VEGFC: variants seen among roughly 807,000 people sequenced by gnomAD.
VEGFC encodes the protein FLT4 ligand DHM.
In VEGFC, 12 loss-of-function variants were observed where a neutral mutation model predicts 46.1. The observed-to-expected ratio is 0.26, with a 90% confidence interval of 0.17 to 0.42. The LOEUF is 0.42. Among genes scored for constraint, VEGFC ranks in the 10% least tolerant of loss-of-function variants. VEGFC has a pLI of 1.00. For synonymous variants in VEGFC, 232 were observed against 195.5 expected, an observed-to-expected ratio of 1.19 and a Z score of -1.56; for missense variants, 488 against 529.4, an observed-to-expected ratio of 0.92 and a Z score of 0.77.
intron 1 of VEGFC, among the ~76,000 whole-genome samples, chr4:176,734,744 A>C (rs1206210855): frequency 6.6e-6 from 1 of 151,800 alleles, no homozygotes; most frequent in Non-Finnish European, 1.5e-5. Context: ...TGAAAAGAAA[A>C]TGTTTAGAAT....
At chr4:176,724,637 G>A (rs1433312488) in intron 3 of VEGFC, among the ~76,000 whole-genome samples, 1 of 152,134 alleles carries the variant, frequency 6.6e-6, no homozygotes, top group Non-Finnish European at 1.5e-5. Context: ...GGAAAGAGGA[G>A]ACAGGAAGGC....
chr4:176,780,663 A>C (rs1202199407), intron 1 of VEGFC, among the ~76,000 whole-genome samples: 1 of 152,180 alleles, frequency 6.6e-6, no homozygotes, highest in Admixed American at 6.5e-5. Flanking sequence ...AGTTAAACTC[A>C]ACATCAAGGA....
chr4:176,691,183 C>G (rs985771571), intron 4 of VEGFC, among the ~76,000 whole-genome samples: 1 of 152,106 alleles, frequency 6.6e-6, no homozygotes, highest in Non-Finnish European at 1.5e-5. Flanking sequence ...GAAATGTGGT[C>G]ATGATGGATA....
At chr4:176,758,684 T>C (rs1315419701) in intron 1 of VEGFC, among the ~76,000 whole-genome samples, 2 of 152,142 alleles carry the variant, frequency 1.3e-5, no homozygotes, top group Non-Finnish European at 2.9e-5. Flanking sequence ...ACCCTAGTGA[T>C]TACTTTAGTT....
chr4:176,784,289 C>G (rs997613997), intron 1 of VEGFC, among the ~76,000 whole-genome samples: 1 of 151,798 alleles, frequency 6.6e-6, no homozygotes, highest in African/African-American at 2.4e-5. Context: ...AGGCTGGTCT[C>G]AAACTCCTGG....
intron 3 of VEGFC, among the ~76,000 whole-genome samples, chr4:176,717,015 T>C (rs531829920): frequency 2.0e-5 from 3 of 152,300 alleles, no homozygotes; most frequent in Admixed American, 2.0e-4. Flanking sequence ...TAAATACTGA[T>C]TGATGATGTA....
intron 1 of VEGFC, among the ~76,000 whole-genome samples, chr4:176,769,179 G>C (rs1735683156): frequency 6.6e-6 from 1 of 152,084 alleles, no homozygotes; most frequent in African/African-American, 2.4e-5. Context: ...CCAATCTGCT[G>C]GCTCCTTGAT....
chr4:176,777,037 G>A (rs1305295058), intron 1 of VEGFC, among the ~76,000 whole-genome samples: 2 of 152,186 alleles, frequency 1.3e-5, no homozygotes, highest in Admixed American at 6.5e-5. Context: ...CTACTGGCCG[G>A]GTGCGGTAGC....
intron 4 of VEGFC, among the ~76,000 whole-genome samples, chr4:176,688,845 C>T (rs1317730234): frequency 2.6e-5 from 4 of 152,152 alleles, no homozygotes; most frequent in Non-Finnish European, 5.9e-5. Flanking sequence ...CTGGCATCAG[C>T]CATTTCTTCA....
intron 1 of VEGFC, among the ~76,000 whole-genome samples, chr4:176,751,356 G>C (rs1229562279): frequency 6.6e-6 from 1 of 151,936 alleles, no homozygotes; most frequent in Non-Finnish European, 1.5e-5. Context: ...ACTACTGTCA[G>C]TATTTTCATA....
In VEGFC at chr4:176,792,266, C is replaced by CG; in HGVS notation, c.45dup (p.Ala16ArgfsTer53). On this transcript the variant is annotated frameshift_variant, in exon 1 of 7. Coordinates refer to ENST00000618562, the MANE Select transcript of VEGFC (RefSeq NM_005429.5). LOFTEE classifies it high-confidence loss of function. The surrounding 1 kb of genome is among the most constrained non-coding windows in gnomAD (Gnocchi z 6.3). ...TCGCGAGGACCCGGGAGCAGCGCAG[C>CG]GGCGAGCAGAGAACACGCCACAGAG... is the stretch of plus-strand genomic sequence containing the variant. The CG allele has an allele frequency of 6.4e-7, 1 of 1,552,786 alleles. No individual in the cohort carries two copies. The highest frequency in any genetic ancestry group is 1.2e-5 in the South Asian group (1 of 85,964).
At chr4:176,706,923 T>C (rs982293753) in intron 4 of VEGFC, among the ~76,000 whole-genome samples, 4 of 152,178 alleles carry the variant, frequency 2.6e-5, no homozygotes, top group African/African-American at 4.8e-5. Flanking sequence ...AAACACTGAA[T>C]TGCGTTCTCT....
chr4:176,686,767 T>C (rs888549919), intron 6 of VEGFC, among the ~76,000 whole-genome samples: 2 of 152,216 alleles, frequency 1.3e-5, no homozygotes, highest in African/African-American at 4.8e-5. Context: ...TGTATTTTCA[T>C]TTCCAGATAT....
chr4:176,717,354 G>A (rs1734715706), intron 3 of VEGFC, among the ~76,000 whole-genome samples: 1 of 152,090 alleles, frequency 6.6e-6, no homozygotes, highest in Admixed American at 6.5e-5. Context: ...GTTTCCAACT[G>A]AGAGGTTCCC....
At chr4:176,763,694 T>C (rs1735569075) in intron 1 of VEGFC, among the ~76,000 whole-genome samples, 1 of 152,154 alleles carries the variant, frequency 6.6e-6, no homozygotes. Context: ...TAAATATTAT[T>C]ACTACTTTCA....
At chr4:176,742,770 C>T (rs780987662) in intron 1 of VEGFC, among the ~76,000 whole-genome samples, 2 of 151,984 alleles carry the variant, frequency 1.3e-5, no homozygotes, top group Non-Finnish European at 2.9e-5. Flanking sequence ...TTGCAAAAGT[C>T]AGACCTAATC....
At chr4:176,717,373 T>C (rs2111005177) in intron 3 of VEGFC, among the ~76,000 whole-genome samples, 1 of 152,238 alleles carries the variant, frequency 6.6e-6, no homozygotes, top group East Asian at 1.9e-4. Context: ...CCAGTTGTAA[T>C]CTACTGGCAT....
intron 1 of VEGFC, among the ~76,000 whole-genome samples, chr4:176,755,005 T>C (rs1164443973): frequency 6.6e-6 from 1 of 152,052 alleles, no homozygotes; most frequent in Non-Finnish European, 1.5e-5. Context: ...ACCCATGAAC[T>C]TAAGAGCATT....
In VEGFC at chr4:176,727,651, G is replaced by C. The variant is rs535207482; in HGVS notation, c.552+127C>G. 3 of 776,508 alleles carry C rather than the reference G, an allele frequency of 3.9e-6. No homozygotes were observed. The African/African-American group carries it at 8.0e-5, about 21-fold the overall frequency. The allele number at this position is 776,508 out of a possible 1,614,324, so 48.1% of individuals were successfully genotyped here. ...GAAAAACTGACTTCATTCCCCTAAA[G>C]AAAATATGAGACCCTGAGTTGAACC... On this transcript the variant is annotated intron_variant, in intron 3 of 6. Transcript: ENST00000618562.
Sources: allele counts gnomAD v4.1 joint callset (sites outside exome capture counted in the v4.1 genomes callset), GRCh38; gene constraint gnomAD v4.1.1; non-coding constraint Gnocchi (gnomAD v3.1); transcripts MANE v1.5; gene names NCBI Gene and HGNC (gene_info 2026-07-23, HGNC 2026-07-21).